The following ZNF148 variants were observed in gnomAD, a reference collection of about 807,000 sequenced individuals.
ZNF148 encodes zinc finger protein 148, also known as Beta-Enolase Repressor Factor-1.
Under a neutral mutation model 67.7 loss-of-function variants are expected in ZNF148, and 7 were observed. The observed-to-expected ratio is 0.10, with a 90% CI of 0.06 to 0.19. The LOEUF (loss-of-function observed/expected upper bound fraction) is 0.19. Among genes scored for constraint, ZNF148 ranks in the 10% least tolerant of loss-of-function variants. The probability of loss-of-function intolerance (pLI) is 1.00; values close to 1 mark genes in which losing one functional copy is unlikely to be tolerated. For missense variants in ZNF148, 583 were observed against 947.1 expected (o/e 0.62, Z 5.05); for synonymous variants, 333 against 330.7 (o/e 1.01, Z -0.08).
intron 1 of ZNF148, among the ~76,000 whole-genome samples, chr3:125,341,379 G>A (rs1941717732): frequency 6.7e-6 from 1 of 150,318 alleles, no homozygotes; most frequent in South Asian, 2.1e-4. Context: ...AGCACTTTGG[G>A]AAGATGAAGC....
At chr3:125,275,079 A>T (rs1354169437) in intron 7 of ZNF148, among the ~76,000 whole-genome samples, 3 of 152,210 alleles carry the variant, frequency 2.0e-5, no homozygotes, top group African/African-American at 7.2e-5. Flanking sequence ...TAGGTTTAAC[A>T]AAAAACATTT....
At chr3:125,360,966 G>A (rs1278951360) in intron 1 of ZNF148, among the ~76,000 whole-genome samples, 2 of 151,806 alleles carry the variant, frequency 1.3e-5, no homozygotes, top group African/African-American at 4.8e-5. Context: ...CAGGAGGCAA[G>A]GCTGCAGTGA....
intron 7 of ZNF148, among the ~76,000 whole-genome samples, chr3:125,269,371 A>G (rs1937617936): frequency 2.0e-5 from 3 of 151,440 alleles, no homozygotes; most frequent in Non-Finnish European, 2.9e-5. Flanking sequence ...ACATAGCAAC[A>G]TCATCTTTAA....
intron 7 of ZNF148, among the ~76,000 whole-genome samples, chr3:125,235,785 T>A (rs1936058616): frequency 6.6e-6 from 1 of 151,474 alleles, no homozygotes; most frequent in Non-Finnish European, 1.5e-5. Context: ...AAAGGATGAG[T>A]TCATGTCCTT....
chr3:125,323,386 A>ACCT lies in ZNF148; in HGVS notation c.-97_-95dup, dbSNP rs1940869167. 1.4e-6 allele frequency: 1 copy of ACCT among 697,336 alleles called. No homozygotes were observed. Among genetic ancestry groups the ACCT allele is most frequent in the Admixed American group, 2.1e-5 (1 of 48,368 alleles). The allele number at this position is 697,336 out of a possible 1,614,324, so 43.2% of individuals were successfully genotyped here. On this transcript the variant is annotated 5_prime_UTR_variant, in exon 3 of 9. Coordinates refer to ENST00000360647, the MANE Select transcript of ZNF148 (RefSeq NM_021964.3). ...AAAAAGAAATCATGGTTGAGTTTCTACCTTTCATAGGCTTCAGAAATCCTC... is the reference window on the plus strand; with the variant it reads ...AAAAAGAAATCATGGTTGAGTTTCTACCTCCTTTCATAGGCTTCAGAAATCCTC...
intron 1 of ZNF148, among the ~76,000 whole-genome samples, chr3:125,346,373 A>AAAT (rs3030724): frequency 0.76 from 114,823 of 151,758 alleles, 43,967 homozygotes; most frequent in African/African-American, 0.85. Context: ...TTCAAAAGTA[A>AAAT]AATAAGTGCT....
intron 1 of ZNF148, among the ~76,000 whole-genome samples, chr3:125,335,807 A>G (rs1222376240): frequency 6.6e-6 from 1 of 152,214 alleles, no homozygotes; most frequent in African/African-American, 2.4e-5. Context: ...CAGTATTTTC[A>G]AAGTATATCT....
chr3:125,364,555 T>C (rs1453831461), intron 1 of ZNF148, among the ~76,000 whole-genome samples: 1 of 152,196 alleles, frequency 6.6e-6, no homozygotes, highest in Non-Finnish European at 1.5e-5. Flanking sequence ...GACATGCTCC[T>C]TGAGAAAAAG....
At chr3:125,243,403 T>C (rs1161009656) in intron 7 of ZNF148, among the ~76,000 whole-genome samples, 1 of 152,236 alleles carries the variant, frequency 6.6e-6, no homozygotes, top group Non-Finnish European at 1.5e-5. Flanking sequence ...TATAATCATA[T>C]TGCTTGCAGA....
chr3:125,321,823 A>G (rs189892471), intron 3 of ZNF148, among the ~76,000 whole-genome samples: 1 of 151,904 alleles, frequency 6.6e-6, no homozygotes, highest in East Asian at 1.9e-4. Flanking sequence ...TAAATATTTT[A>G]AAAAAACTTC....
chr3:125,337,859 T>C (rs1302311979), intron 1 of ZNF148, among the ~76,000 whole-genome samples: 1 of 151,536 alleles, frequency 6.6e-6, no homozygotes, highest in Non-Finnish European at 1.5e-5. Flanking sequence ...CCCAACACTT[T>C]GGGAGGCCAA....
At chr3:125,263,850 C>G (rs1937453097) in intron 7 of ZNF148, among the ~76,000 whole-genome samples, 1 of 152,106 alleles carries the variant, frequency 6.6e-6, no homozygotes, top group African/African-American at 2.4e-5. Flanking sequence ...AGGATAGGGG[C>G]TGGTCACCAG....
intron 2 of ZNF148, among the ~76,000 whole-genome samples, chr3:125,328,249 TA>T (rs1350699522): frequency 1.3e-5 from 2 of 152,178 alleles, no homozygotes; most frequent in Non-Finnish European, 2.9e-5. Context: ...TAAAGACCTT[TA>T]AATCTAACAC....
At chr3:125,278,456 ACTTGC>A (rs1938192052) in intron 6 of ZNF148, among the ~76,000 whole-genome samples, 1 of 152,056 alleles carries the variant, frequency 6.6e-6, no homozygotes, top group Admixed American at 6.6e-5. Context: ...TTCACTGCCC[ACTTGC>A]GGTTTAACCC....
intron 7 of ZNF148, among the ~76,000 whole-genome samples, chr3:125,241,958 T>C (rs1936384153): frequency 6.6e-6 from 1 of 152,216 alleles, no homozygotes; most frequent in Admixed American, 6.5e-5. Context: ...GAAAAAACAT[T>C]ATCTCAGCAG....
chr3:125,368,818 C>T (rs530061821), intron 1 of ZNF148, among the ~76,000 whole-genome samples: 15 of 151,526 alleles, frequency 9.9e-5, no homozygotes, highest in African/African-American at 2.9e-4. Flanking sequence ...TGGTGGTGCA[C>T]GCCTGTAGTC....
chr3:125,232,926 G>A lies in ZNF148; in HGVS notation c.1800C>T (p.Asn600=), dbSNP rs1239523123. Residue 600 remains asparagine, a synonymous_variant, in exon 9 of 9, where the codon AAC becomes AAT. Coordinates refer to ENST00000360647, the MANE Select transcript of ZNF148 (RefSeq NM_021964.3). This position sits in a 1 kb window ranked among gnomAD's most constrained non-coding sequence, Gnocchi z 4.2. ...SSQASSSDKA[N]MLQEYSKFLQ... is the part of the protein sequence containing the mutation. ...GAAACTTGGAGTATTCCTGCAACAT[G>A]TTGGCTTTATCTGATGAGGATGCTT... 1.2e-6 allele frequency: 2 copies of A among 1,613,840 alleles called. No homozygotes were observed. The highest frequency in any genetic ancestry group is 1.7e-5 in the Admixed American group (1 of 59,976).
intron 4 of ZNF148, among the ~76,000 whole-genome samples, chr3:125,296,703 A>G (rs1291632801): frequency 1.3e-5 from 2 of 152,176 alleles, no homozygotes; most frequent in Non-Finnish European, 1.5e-5. Context: ...AGTATTATTT[A>G]TAACAGTAAG....
At chr3:125,252,183 G>C (rs186965525) in intron 7 of ZNF148, among the ~76,000 whole-genome samples, 1 of 152,076 alleles carries the variant, frequency 6.6e-6, no homozygotes, top group East Asian at 1.9e-4. Flanking sequence ...CATCAGGCTT[G>C]GTTTTTCACC....
Sources: gnomAD v4.1 joint callset for allele counts (sites outside exome capture counted in the v4.1 genomes callset) on GRCh38, gnomAD v4.1.1 for gene constraint, Gnocchi (gnomAD v3.1) non-coding constraint, MANE v1.5 for transcripts, NCBI Gene and HGNC (gene_info 2026-07-23, HGNC 2026-07-21) for gene names.